CDKL1: variants seen among roughly 807,000 people sequenced by gnomAD.
The protein encoded by CDKL1 is cyclin dependent kinase like 1.
CDKL1 carries 41 observed loss-of-function variants against 42.0 expected under a neutral mutation model. That is an observed-to-expected ratio of 0.98 (90% CI 0.76 to 1.27). The LOEUF (loss-of-function observed/expected upper bound fraction) is 1.27, where lower values mean the gene tolerates loss of function less well. Ranked by LOEUF, CDKL1 falls within the 50% of genes most tolerant of loss-of-function variation. The probability of loss-of-function intolerance (pLI) is 0.00; values close to 1 mark genes in which losing one functional copy is unlikely to be tolerated. For missense variants in CDKL1, 394 were observed against 428.4 expected, an observed-to-expected ratio of 0.92 and a Z score of 0.71; for synonymous variants, 153 against 158.6, an observed-to-expected ratio of 0.96 and a Z score of 0.26.
chr14:50,343,208 T>G, intron 4 of CDKL1: 1 of 388,994 alleles, frequency 2.6e-6, no homozygotes, highest in Non-Finnish European at 4.2e-6. Flanking sequence ...GGGTCCCTAA[T>G]AATCTTCCTC....
At chr14:50,358,905 G>T in intron 3 of CDKL1, 123 bp downstream of exon 3, 2 of 912,102 alleles carry the variant, frequency 2.2e-6, no homozygotes, top group Non-Finnish European at 1.7e-6. Flanking sequence ...CTCCCAAAGT[G>T]CTGGGATTAC....
chr14:50,382,598 C>CT (rs1183162883), intron 2 of CDKL1, among the ~76,000 whole-genome samples: 50 of 138,312 alleles, frequency 3.6e-4, no homozygotes, highest in African/African-American at 8.6e-4. Context: ...TTCTCTCTCT[C>CT]TTTTTTTTTA....
At chr14:50,358,409 T>C (rs537308128) in intron 3 of CDKL1, among the ~76,000 whole-genome samples, 1 of 152,290 alleles carries the variant, frequency 6.6e-6, no homozygotes, top group African/African-American at 2.4e-5. Flanking sequence ...TCTACCTCCC[T>C]GGTCAGGCAT....
intron 2 of CDKL1, among the ~76,000 whole-genome samples, chr14:50,367,226 G>A (rs770219402): frequency 6.6e-6 from 1 of 152,240 alleles, no homozygotes; most frequent in Non-Finnish European, 1.5e-5. Context: ...CTGCTGAAAG[G>A]TCAGATGGAA....
intron 2 of CDKL1, among the ~76,000 whole-genome samples, chr14:50,372,988 A>C (rs1220841497): frequency 6.6e-6 from 1 of 151,500 alleles, no homozygotes; most frequent in East Asian, 1.9e-4. Flanking sequence ...AGCTTTGTTC[A>C]TTTTTCTCAT....
chr14:50,347,140 A>G (rs1416817094), intron 3 of CDKL1, among the ~76,000 whole-genome samples: 2 of 152,170 alleles, frequency 1.3e-5, no homozygotes, highest in Non-Finnish European at 2.9e-5. Context: ...CTCTGTACAA[A>G]CTACTTAGTG....
intron 3 of CDKL1, among the ~76,000 whole-genome samples, chr14:50,352,532 G>C (rs1342240547): frequency 6.6e-6 from 1 of 152,084 alleles, no homozygotes; most frequent in East Asian, 1.9e-4. Context: ...CAACCAGAGA[G>C]GAATGGTGAG....
Position 50,332,333 on chromosome 14 carries a change from C to CT in CDKL1, c.894dup (p.Glu299ArgfsTer42). The CT allele has an allele frequency of 6.2e-7, 1 of 1,614,102 alleles. No homozygotes were observed. The highest frequency in any genetic ancestry group is 8.5e-7 in the Non-Finnish European group (1 of 1,180,016). On this transcript the variant is annotated frameshift_variant, in exon 9 of 10. Coordinates refer to ENST00000395834, the MANE Select transcript of CDKL1 (RefSeq NM_004196.7). LOFTEE classifies it high-confidence loss of function. The stretch of plus-strand genomic sequence containing the variant: ...GTCTTCCTTGTTGGTTTGTTGTGTT[C>CT]TTTTGCCAAATCCTCTATTTCTCTG...
At chr14:50,380,174 A>T in intron 2 of CDKL1, 1 of 532,102 alleles carries the variant, frequency 1.9e-6, no homozygotes, top group South Asian at 1.4e-5. Flanking sequence ...CAAGCTCCTG[A>T]AACTGCTCTT....
At chr14:50,351,875 G>C (rs1048585350) in intron 3 of CDKL1, among the ~76,000 whole-genome samples, 2 of 152,084 alleles carry the variant, frequency 1.3e-5, no homozygotes, top group Admixed American at 1.3e-4. Context: ...TCAGCTATAA[G>C]TAATATTTAC....
intron 2 of CDKL1, among the ~76,000 whole-genome samples, chr14:50,378,716 T>C (rs974018034): frequency 2.0e-5 from 3 of 152,102 alleles, no homozygotes; most frequent in Non-Finnish European, 4.4e-5. Context: ...AAAATTTTTT[T>C]TGTGGAGACA....
In CDKL1 at chr14:50,329,202, G is replaced by T. The variant is rs927529019; in HGVS notation, c.*872C>A. 6.6e-6 allele frequency: 1 copy of T among 152,000 alleles called. No individual in the cohort carries two copies. Among genetic ancestry groups the T allele is most frequent in the Non-Finnish European group, 1.5e-5 (1 of 68,014 alleles). The allele number at this position is 152,000 out of a possible 1,614,324, so 9.4% of individuals were successfully genotyped here. A position where few individuals can be genotyped will look rare whatever the true frequency, so the allele number is the denominator to read the frequency against. On this transcript the variant is annotated 3_prime_UTR_variant, in exon 10 of 10. Coordinates refer to ENST00000395834, the MANE Select transcript of CDKL1 (RefSeq NM_004196.7). Reference sequence around the variant, plus strand: ...TGAAACCCAGATCACTGAATTACAGGTTTGCCTATAGATGTACCAGGTCAA... The same window carrying T: ...TGAAACCCAGATCACTGAATTACAGTTTTGCCTATAGATGTACCAGGTCAA...
At chr14:50,357,524 A>G (rs927134099) in intron 3 of CDKL1, among the ~76,000 whole-genome samples, 1 of 152,144 alleles carries the variant, frequency 6.6e-6, no homozygotes, top group Non-Finnish European at 1.5e-5. Context: ...ACAGCCAAAA[A>G]AGGAAAGGAT....
chr14:50,379,497 T>C (rs1184113123), intron 2 of CDKL1, among the ~76,000 whole-genome samples: 36 of 152,162 alleles, frequency 2.4e-4, no homozygotes, highest in Non-Finnish European at 1.5e-5. Flanking sequence ...TTTCTGGTTC[T>C]GATGAAAGTG....
At chr14:50,378,775 G>A (rs950139083) in intron 2 of CDKL1, among the ~76,000 whole-genome samples, 2 of 152,090 alleles carry the variant, frequency 1.3e-5, no homozygotes, top group African/African-American at 2.4e-5. Context: ...GGCCTCAAGC[G>A]ATTCTGCCAC....
At chr14:50,375,432 C>T (rs1210808568) in intron 2 of CDKL1, among the ~76,000 whole-genome samples, 10 of 152,232 alleles carry the variant, frequency 6.6e-5, no homozygotes, top group South Asian at 2.1e-4. Context: ...TGTAGGAGTG[C>T]GCTGCACGTA....
intron 9 of CDKL1, 96 bp from the exon 10 acceptor site, chr14:50,330,277 G>A: frequency 7.0e-7 from 1 of 1,438,106 alleles, no homozygotes; most frequent in Non-Finnish European, 9.2e-7. Flanking sequence ...AAGCTTTTTA[G>A]TATAGAAGTA....
At chr14:50,361,439 T>C (rs1189423212) in intron 2 of CDKL1, among the ~76,000 whole-genome samples, 1 of 152,210 alleles carries the variant, frequency 6.6e-6, no homozygotes, top group East Asian at 1.9e-4. Context: ...TACCTGAGAC[T>C]GGGTAATTTA....
chr14:50,334,072 T>C (rs2033120719), intron 8 of CDKL1: 1 of 151,966 alleles, frequency 6.6e-6, no homozygotes, highest in South Asian at 2.1e-4. Context: ...TAATGTTAGG[T>C]TTATTTAAAG....
Sources: gnomAD v4.1 joint callset for allele counts (sites outside exome capture counted in the v4.1 genomes callset) on GRCh38, gnomAD v4.1.1 for gene constraint, MANE v1.5 for transcripts, NCBI Gene and HGNC (gene_info 2026-07-23, HGNC 2026-07-21) for gene names.